The following LRP12 variants were observed in gnomAD, a reference collection of about 807,000 sequenced individuals.
LRP12 encodes the protein LDL receptor related protein 12, also known as low-density lipoprotein receptor-related protein 12.
In LRP12, 14 loss-of-function variants were observed where a neutral mutation model predicts 66.0. The ratio of observed to expected loss-of-function variants is 0.21; its 90% CI spans 0.14 to 0.33. The LOEUF (loss-of-function observed/expected upper bound fraction) is 0.33. Among genes scored for constraint, LRP12 ranks in the 10% least tolerant of loss-of-function variants. LRP12 has a pLI of 1.00. For missense variants in LRP12, 889 were observed against 1,053.4 expected (o/e 0.84, Z 2.16); for synonymous variants, 357 against 359.1 (o/e 0.99, Z 0.07).
Position 104,497,068 on chromosome 8 carries a change from G to C in LRP12, c.1484C>G (p.Thr495Ser). 1.2e-6 allele frequency: 2 copies of C among 1,612,100 alleles called. No homozygotes were observed. The highest frequency in any genetic ancestry group is 1.7e-6 in the Non-Finnish European group (2 of 1,178,748). The stretch of plus-strand genomic sequence containing the variant: ...GATGAGGCTCCCTATGACGGCAGCA[G>C]TGATGACTCTTGTAGGCACGATTAC... ...CPVIVPTRVI[T>S]AAVIGSLICG... Residue 495 changes from threonine (T) to serine (S), a missense_variant, in exon 5 of 7, where the codon ACT becomes AGT. This residue lies in a region of LRP12 where 800 missense variants were observed against 964.5 expected (regional missense o/e 0.83). Coordinates refer to ENST00000276654, the MANE Select transcript of LRP12 (RefSeq NM_013437.5). This position sits in a 1 kb window ranked among gnomAD's most constrained non-coding sequence, Gnocchi z 4.3.
intron 3 of LRP12, chr8:104,504,104 T>C (rs1810870272): frequency 6.6e-6 from 1 of 152,146 alleles, no homozygotes; most frequent in African/African-American, 2.4e-5. Context: ...GAATCAATTT[T>C]AGTAATATAA....
At chr8:104,558,992 CTT>C (rs1248128263) in intron 1 of LRP12, among the ~76,000 whole-genome samples, 2 of 152,080 alleles carry the variant, frequency 1.3e-5, no homozygotes, top group Non-Finnish European at 2.9e-5. Flanking sequence ...ACAGGGAACA[CTT>C]TTACATTGCC....
intron 1 of LRP12, among the ~76,000 whole-genome samples, chr8:104,541,056 G>A (rs1811468993): frequency 6.6e-6 from 1 of 152,150 alleles, no homozygotes; most frequent in Non-Finnish European, 1.5e-5. Context: ...ATGGACCTTT[G>A]GGAGTTCAGT....
rs1224679440 is a variant in LRP12 at position 104,490,499 on chromosome 8, C to G, written c.*174G>C. ...TTTTTAGCTGCTAAAATAGTAAACT[C>G]TAAGTTCATAGAGTTACAAGTTGTC... On this transcript the variant is annotated 3_prime_UTR_variant, in exon 7 of 7. Coordinates refer to ENST00000276654, the MANE Select transcript of LRP12 (RefSeq NM_013437.5). The G allele has an allele frequency of 4.7e-6, 3 of 637,826 alleles. No homozygotes were observed. Among genetic ancestry groups the G allele is most frequent in the Non-Finnish European group, 7.8e-6 (3 of 385,650 alleles). The allele number at this position is 637,826 out of a possible 1,614,324, so 39.5% of individuals were successfully genotyped here.
intron 2 of LRP12, among the ~76,000 whole-genome samples, chr8:104,510,727 A>C (rs955436509): frequency 6.6e-6 from 1 of 152,192 alleles, no homozygotes; most frequent in African/African-American, 2.4e-5. Context: ...AACAGTTATC[A>C]GAAGTGACGA....
chr8:104,548,206 T>C (rs1250392759), intron 1 of LRP12, among the ~76,000 whole-genome samples: 7 of 99,908 alleles, frequency 7.0e-5, no homozygotes, highest in Non-Finnish European at 1.2e-4. Flanking sequence ...ATATATGATA[T>C]ATTTATATTA....
At position 104,490,627 on chromosome 8, in the gene LRP12, G is replaced by T; in HGVS notation, c.*46C>A. The T allele has an allele frequency of 2.6e-6, 4 of 1,521,720 alleles. No homozygotes were observed. Among genetic ancestry groups the T allele is most frequent in the Non-Finnish European group, 2.6e-6 (3 of 1,137,330 alleles). 94.3% of individuals were successfully genotyped at this position (1,521,720 alleles called of 1,614,324 possible). A position where few individuals can be genotyped will look rare whatever the true frequency, so the allele number is the denominator to read the frequency against. Reference sequence around the variant, plus strand: ...ACTGTAAAGTTACAAAATAATAAATGGATATTGCTCCAACTTGTATACAAT... The same window carrying T: ...ACTGTAAAGTTACAAAATAATAAATTGATATTGCTCCAACTTGTATACAAT... On this transcript the variant is annotated 3_prime_UTR_variant, in exon 7 of 7. Coordinates refer to ENST00000276654, the MANE Select transcript of LRP12 (RefSeq NM_013437.5).
intron 2 of LRP12, among the ~76,000 whole-genome samples, chr8:104,512,235 T>C (rs1261805344): frequency 3.3e-5 from 5 of 152,168 alleles, no homozygotes; most frequent in Non-Finnish European, 7.4e-5. Flanking sequence ...GAGAATTGCT[T>C]GAACCTGAGA....
intron 2 of LRP12, among the ~76,000 whole-genome samples, chr8:104,510,275 G>A (rs548464616): frequency 4.5e-4 from 69 of 152,246 alleles, no homozygotes; most frequent in African/African-American, 1.5e-3. Flanking sequence ...CAAAATCACT[G>A]CAAAGCAGTT....
intron 1 of LRP12, among the ~76,000 whole-genome samples, chr8:104,567,331 G>T (rs994061307): frequency 6.6e-6 from 1 of 152,164 alleles, no homozygotes; most frequent in Non-Finnish European, 1.5e-5. Context: ...AAGAAAAAAT[G>T]AGGACGAACC....
intron 1 of LRP12, among the ~76,000 whole-genome samples, chr8:104,567,988 A>C: frequency 6.6e-6 from 1 of 152,224 alleles, no homozygotes; most frequent in African/African-American, 2.4e-5. Flanking sequence ...GAAAAATGAA[A>C]ACAAATTGGA....
At chr8:104,546,685 C>A (rs1033334553) in intron 1 of LRP12, among the ~76,000 whole-genome samples, 1 of 151,674 alleles carries the variant, frequency 6.6e-6, no homozygotes, top group East Asian at 1.9e-4. Context: ...TACTGAATTT[C>A]GGGGCTTCTT....
At chr8:104,560,708 A>G (rs535477502) in intron 1 of LRP12, among the ~76,000 whole-genome samples, 34 of 152,318 alleles carry the variant, frequency 2.2e-4, no homozygotes, top group Admixed American at 1.8e-3. Flanking sequence ...ACTACTTAAA[A>G]TTCATAATAA....
chr8:104,518,820 G>A (rs1238329477), intron 2 of LRP12, among the ~76,000 whole-genome samples: 2 of 151,964 alleles, frequency 1.3e-5, no homozygotes. Context: ...GCAAGGAGTA[G>A]AATAGTAGCA....
chr8:104,511,113 G>A (rs934396626), intron 2 of LRP12, among the ~76,000 whole-genome samples: 3 of 137,912 alleles, frequency 2.2e-5, no homozygotes, highest in East Asian at 2.2e-4. Flanking sequence ...GTACAATCTC[G>A]GCTCACTACA....
intron 1 of LRP12, among the ~76,000 whole-genome samples, chr8:104,555,544 A>G (rs891861041): frequency 8.5e-5 from 13 of 152,148 alleles, no homozygotes; most frequent in African/African-American, 2.4e-4. Context: ...TAAAAAAGAA[A>G]TAAATAAATA....
intron 1 of LRP12, among the ~76,000 whole-genome samples, chr8:104,548,122 A>G (rs1254517276): frequency 9.6e-6 from 1 of 104,448 alleles, no homozygotes; most frequent in South Asian, 2.6e-4. Flanking sequence ...TATATTTTGT[A>G]TATAATATAT....
At position 104,588,799 on chromosome 8, in the gene LRP12, G is replaced by T; in HGVS notation, c.79+20C>A. 6.2e-7 allele frequency: 1 copy of T among 1,609,826 alleles called. No homozygotes were observed. The highest frequency in any genetic ancestry group is 1.7e-5 in the Admixed American group (1 of 59,548). ...CTCAGCTTTGTTCGGTCAGCGGGGC[G>T]CGGGGACGCGGACACTTACCGTACA... On this transcript the variant is annotated intron_variant, in intron 1 of 6. Transcript: ENST00000276654.
intron 3 of LRP12, among the ~76,000 whole-genome samples, chr8:104,502,927 G>A (rs1481519752): frequency 7.2e-5 from 11 of 152,182 alleles, no homozygotes; most frequent in South Asian, 4.2e-4. Flanking sequence ...GGCTCACGCC[G>A]TAATCCCAGA....
Sources: allele counts gnomAD v4.1 joint callset (sites outside exome capture counted in the v4.1 genomes callset), GRCh38; gene constraint gnomAD v4.1.1; regional missense constraint gnomAD v4.1.1; non-coding constraint Gnocchi (gnomAD v3.1); transcripts MANE v1.5; gene names NCBI Gene and HGNC (gene_info 2026-07-23, HGNC 2026-07-21).